The following ATP9A variants were observed in gnomAD, a reference collection of about 807,000 sequenced individuals.
ATP9A encodes the protein ATPase phospholipid transporting 9A.
ATP9A carries 52 observed loss-of-function variants against 144.1 expected under a neutral mutation model. The ratio of observed to expected loss-of-function variants is 0.36; its 90% confidence interval spans 0.29 to 0.45. ATP9A has a LOEUF of 0.45. Ranked by LOEUF, ATP9A falls within the 20% of genes least tolerant of loss-of-function variation. The pLI, the probability that ATP9A is intolerant of heterozygous loss-of-function variation, is 1.00. For missense variants in ATP9A, 947 were observed against 1,392.7 expected (o/e 0.68, Z 5.09); for synonymous variants, 582 against 557.4 (o/e 1.04, Z -0.62).
chr20:51,611,540 T>A lies in ATP9A; in HGVS notation c.2572-1375A>T, dbSNP rs1389287308. The stretch of plus-strand genomic sequence containing the variant: ...ACTCATGTCCCGGTGCAATTCTAAC[T>A]GGGACTTGCTCTCGGCCATTTTCAG... On this transcript the variant is annotated intron_variant, in intron 23 of 27. Coordinates refer to ENST00000338821, the MANE Select transcript of ATP9A (RefSeq NM_006045.3). The surrounding 1 kb of genome is among the most constrained non-coding windows in gnomAD (Gnocchi z 4.2). 6.6e-6 allele frequency among the ~76,000 whole-genome samples: 1 copy of A among 151,884 alleles called. No individual in the cohort carries two copies. The highest frequency in any genetic ancestry group is 1.5e-5 in the Non-Finnish European group (1 of 68,046).
intron 4 of ATP9A, among the ~76,000 whole-genome samples, chr20:51,704,860 A>T (rs949621339): frequency 4.6e-5 from 7 of 152,370 alleles, no homozygotes; most frequent in Admixed American, 6.5e-5. Context: ...AAAATCTGTT[A>T]TAAGTAAGAT....
chr20:51,602,991 T>C (rs900676671), intron 27 of ATP9A, among the ~76,000 whole-genome samples: 4 of 151,622 alleles, frequency 2.6e-5, no homozygotes, highest in African/African-American at 9.7e-5. Context: ...AGGCCTGAGG[T>C]AAAGGAGCAA....
In ATP9A at chr20:51,674,317, TG is replaced by T; in HGVS notation, c.877-5del. ...CTTCCAAGTCGAACAGGCCGATCTG[TG>T]GGACGAAGCACAAACCAGGGCTTGA... On this transcript the variant is annotated splice_polypyrimidine_tract_variant and splice_region_variant and intron_variant, in intron 10 of 27. Coordinates refer to ENST00000338821, the MANE Select transcript of ATP9A (RefSeq NM_006045.3). 6.2e-7 allele frequency: 1 copy of T among 1,612,362 alleles called. No homozygotes were observed. Among genetic ancestry groups the T allele is most frequent in the Non-Finnish European group, 8.5e-7 (1 of 1,179,766 alleles).
At chr20:51,708,786 C>T (rs1191922295) in intron 4 of ATP9A, among the ~76,000 whole-genome samples, 2 of 152,030 alleles carry the variant, frequency 1.3e-5, no homozygotes, top group African/African-American at 4.8e-5. Flanking sequence ...AGGCCACATC[C>T]AACAAATACA....
chr20:51,679,495 C>T (rs1332264488), intron 9 of ATP9A, among the ~76,000 whole-genome samples: 1 of 152,112 alleles, frequency 6.6e-6, no homozygotes, highest in Admixed American at 6.6e-5. Context: ...CCACTATCCA[C>T]TCCTTTAAAT....
At chr20:51,651,276 T>G (rs2077364169) in intron 14 of ATP9A, among the ~76,000 whole-genome samples, 1 of 138,664 alleles carries the variant, frequency 7.2e-6, no homozygotes, top group Non-Finnish European at 1.5e-5. Flanking sequence ...TAATATATAT[T>G]TACATAATAT....
intron 7 of ATP9A, among the ~76,000 whole-genome samples, chr20:51,692,955 C>A (rs759199354): frequency 5.3e-5 from 8 of 152,212 alleles, no homozygotes; most frequent in Non-Finnish European, 1.2e-4. Context: ...TTCCTCCTCC[C>A]TCAGGGGACA....
chr20:51,644,972 C>G (rs1008798829), intron 14 of ATP9A, among the ~76,000 whole-genome samples: 1 of 152,194 alleles, frequency 6.6e-6, no homozygotes, highest in African/African-American at 2.4e-5. Context: ...GCTTCCAGGG[C>G]TGGGCAGCAG....
intron 4 of ATP9A, among the ~76,000 whole-genome samples, chr20:51,698,637 G>T (rs1270081690): frequency 6.6e-6 from 1 of 152,172 alleles, no homozygotes; most frequent in Non-Finnish European, 1.5e-5. Context: ...GGATGAAAGG[G>T]GTTGGAGAAT....
At chr20:51,738,469 C>T (rs1431141480) in intron 1 of ATP9A, among the ~76,000 whole-genome samples, 1 of 151,860 alleles carries the variant, frequency 6.6e-6, no homozygotes, top group Non-Finnish European at 1.5e-5. Flanking sequence ...TTTGGGAGGC[C>T]GAGGCGAGCA....
At chr20:51,766,600 G>A (rs932369534) in intron 1 of ATP9A, among the ~76,000 whole-genome samples, 2 of 152,150 alleles carry the variant, frequency 1.3e-5, no homozygotes, top group African/African-American at 4.8e-5. Flanking sequence ...CCAGCACTTT[G>A]GAAGGCCGAG....
At chr20:51,740,101 G>T (rs1189923756) in intron 1 of ATP9A, among the ~76,000 whole-genome samples, 1 of 152,072 alleles carries the variant, frequency 6.6e-6, no homozygotes, top group Non-Finnish European at 1.5e-5. Context: ...CTGTTACCCA[G>T]GCTGCAGTGC....
At chr20:51,668,369 A>G (rs2122784474) in intron 13 of ATP9A, among the ~76,000 whole-genome samples, 1 of 152,038 alleles carries the variant, frequency 6.6e-6, no homozygotes. Context: ...TCCCAGGTAC[A>G]GCATCCTTAT....
chr20:51,671,024 T>C (rs1338393504), intron 12 of ATP9A, 91 bp downstream of exon 12: 25 of 1,421,464 alleles, frequency 1.8e-5, no homozygotes, highest in Non-Finnish European at 2.2e-5. Context: ...GCATCTCTCA[T>C]ATGTCCAGAG....
Position 51,600,810 on chromosome 20 carries a change from ACAC to A in ATP9A, c.*398_*400del. Reference sequence around the variant, plus strand: ...ATACACATTAGGACTCTTTAAAAACACACACACACACACACACACACACACACA... The same window carrying A: ...ATACACATTAGGACTCTTTAAAAACAACACACACACACACACACACACACA... On this transcript the variant is annotated 3_prime_UTR_variant, in exon 28 of 28. Coordinates refer to ENST00000338821, the MANE Select transcript of ATP9A (RefSeq NM_006045.3). The A allele has an allele frequency of 1.6e-5, 1 of 61,592 alleles. No homozygotes were observed. The highest frequency in any genetic ancestry group is 7.1e-5 in the African/African-American group (1 of 14,000). 3.8% of individuals were successfully genotyped at this position (61,592 alleles called of 1,614,324 possible). A position where few individuals can be genotyped will look rare whatever the true frequency, so the allele number is the denominator to read the frequency against.
At chr20:51,699,862 C>T (rs1383937064) in intron 4 of ATP9A, among the ~76,000 whole-genome samples, 1 of 151,982 alleles carries the variant, frequency 6.6e-6, no homozygotes, top group African/African-American at 2.4e-5. Flanking sequence ...AGGCTTTTCT[C>T]GAACTCCTGA....
At chr20:51,725,272 C>G (rs62226700) in intron 3 of ATP9A, among the ~76,000 whole-genome samples, 10,275 of 151,988 alleles carry the variant, frequency 0.068, 793 homozygotes, top group African/African-American at 0.19. Context: ...ACAGGCACGT[C>G]CCACCACACC....
At chr20:51,661,196 T>C (rs556821101) in intron 13 of ATP9A, among the ~76,000 whole-genome samples, 1 of 152,284 alleles carries the variant, frequency 6.6e-6, no homozygotes, top group Non-Finnish European at 1.5e-5. Context: ...GCTAGGGCCA[T>C]TTCCTGACAA....
chr20:51,655,793 G>C (rs964013433), intron 14 of ATP9A, among the ~76,000 whole-genome samples: 1 of 149,712 alleles, frequency 6.7e-6, no homozygotes, highest in African/African-American at 2.5e-5. Context: ...ATATACCCAA[G>C]AGAAACAGAA....
Sources: gnomAD v4.1 joint callset for allele counts (sites outside exome capture counted in the v4.1 genomes callset) on GRCh38, gnomAD v4.1.1 for gene constraint, Gnocchi (gnomAD v3.1) non-coding constraint, MANE v1.5 for transcripts, NCBI Gene and HGNC (gene_info 2026-07-23, HGNC 2026-07-21) for gene names.